The following TFR2 variants were observed in gnomAD, a reference collection of about 807,000 sequenced individuals.
The protein encoded by TFR2 is transferrin receptor 2, also known as transferrin receptor protein 2.
In TFR2, 64 loss-of-function variants were observed where a neutral mutation model predicts 91.9. The ratio of observed to expected loss-of-function variants is 0.70; its 90% confidence interval spans 0.57 to 0.86. The LOEUF is 0.86. TFR2 is among the 40% of genes least tolerant of loss of function. The probability of loss-of-function intolerance (pLI) is 0.00; values close to 1 mark genes in which losing one functional copy is unlikely to be tolerated. For synonymous variants in TFR2, 454 were observed against 459.6 expected (o/e 0.99, Z 0.15); for missense variants, 950 against 1,080.5 (o/e 0.88, Z 1.69).
intron 3 of TFR2, among the ~76,000 whole-genome samples, chr7:100,634,175 T>TC: frequency 2.7e-5 from 2 of 74,282 alleles, no homozygotes; most frequent in East Asian, 9.5e-4. Context: ...CCTCCCGACG[T>TC]CAACACACAC....
chr7:100,633,694 G>T, intron 3 of TFR2, 138 bp from the exon 4 acceptor site: 2 of 925,892 alleles, frequency 2.2e-6, no homozygotes, highest in South Asian at 2.3e-5. Flanking sequence ...GCTCCCCGCG[G>T]ACGCTTTTTT....
intron 8 of TFR2, chr7:100,631,558 A>G: frequency 2.4e-6 from 1 of 413,986 alleles, no homozygotes. Context: ...CGGGAGGTGG[A>G]GGTTGCAGTG....
At chr7:100,632,959 G>A in intron 6 of TFR2, 42 bp downstream of exon 6, 1 of 1,613,384 alleles carries the variant, frequency 6.2e-7, no homozygotes, top group Non-Finnish European at 8.5e-7. Flanking sequence ...CCGACCCTCC[G>A]GTTCCCGGGC....
At position 100,628,209 on chromosome 7, in the gene TFR2, G is replaced by A. The variant is rs201082151; in HGVS notation, c.1473+15C>T. On this transcript the variant is annotated intron_variant, in intron 11 of 17. Transcript: ENST00000223051. ...CTCCCCAATGCCTAACGACCTGCCC[G>A]GGACCCCGTATCACCTCTAGCCACT... 3.2e-5 allele frequency: 47 copies of A among 1,455,410 alleles called. No individual in the cohort carries two copies. Among genetic ancestry groups the A allele is most frequent in the Middle Eastern group, 1.8e-4 (1 of 5,582 alleles). The allele number at this position is 1,455,410 out of a possible 1,614,324, so 90.2% of individuals were successfully genotyped here. A position where few individuals can be genotyped will look rare whatever the true frequency, so the allele number is the denominator to read the frequency against.
intron 3 of TFR2, among the ~76,000 whole-genome samples, chr7:100,636,387 G>A (rs1326777396): frequency 1.4e-5 from 2 of 142,334 alleles, no homozygotes; most frequent in South Asian, 2.3e-4. Flanking sequence ...TGTTGGCCAG[G>A]CTGGTCTCAA....
intron 17 of TFR2, among the ~76,000 whole-genome samples, chr7:100,622,169 G>T (rs1803129304): frequency 6.6e-6 from 1 of 152,128 alleles, no homozygotes; most frequent in Non-Finnish European, 1.5e-5. Flanking sequence ...GGGAGTGCAG[G>T]CACGTGCCAC....
chr7:100,626,261 CTCT>C (rs1463147201), intron 17 of TFR2, among the ~76,000 whole-genome samples: 1 of 152,122 alleles, frequency 6.6e-6, no homozygotes, highest in Non-Finnish European at 1.5e-5. Context: ...AGGGAATAAG[CTCT>C]TGTTTAACTT....
intron 17 of TFR2, 32 bp from the exon 18 acceptor site, chr7:100,621,158 G>A: frequency 6.8e-7 from 1 of 1,463,534 alleles, no homozygotes; most frequent in Non-Finnish European, 9.1e-7. Flanking sequence ...GTCAGGGTTG[G>A]GGGCTCTGGC....
rs141873632 is a variant in TFR2 at position 100,640,871 on chromosome 7, G to A, written c.288C>T (p.Ala96=). The change falls in exon 3 of 18, where the codon GCC becomes GCT. Residue 96 remains alanine (A), a splice_region_variant and synonymous_variant. Transcript: ENST00000223051. ...VLTALLIFTG[A]FLLGYVAFRG... is the part of the protein sequence containing the mutation. The stretch of plus-strand genomic sequence containing the variant: ...GGAAGGCGACGTAGCCCAGTAGGAA[G>A]GCTGGCGGGTGGCAAGATGGGGATT... 1.2e-6 allele frequency: 2 copies of A among 1,613,970 alleles called. No individual in the cohort carries two copies. Among genetic ancestry groups the A allele is most frequent in the African/African-American group, 2.7e-5 (2 of 74,930 alleles).
At chr7:100,626,073 AC>A (rs1803242491) in intron 17 of TFR2, among the ~76,000 whole-genome samples, 1 of 152,166 alleles carries the variant, frequency 6.6e-6, no homozygotes, top group South Asian at 2.1e-4. Context: ...GATCCTGTTT[AC>A]TATTTTGCCC....
intron 17 of TFR2, among the ~76,000 whole-genome samples, chr7:100,623,594 G>T (rs1322044210): frequency 6.6e-6 from 1 of 151,772 alleles, no homozygotes; most frequent in African/African-American, 2.4e-5. Flanking sequence ...CTTGGGCAAT[G>T]TATGGAAACC....
rs192618793 is a variant in TFR2, at chr7:100,631,483, C to T, written c.1106+323G>A. Reference sequence around the variant, plus strand: ...ACTAAAAATACAAAAATTAGCCGGGCGTGGTGGGGGGGCACCTGTAATCCT... The same window carrying T: ...ACTAAAAATACAAAAATTAGCCGGGTGTGGTGGGGGGGCACCTGTAATCCT... On this transcript the variant is annotated intron_variant, in intron 8 of 17. Transcript: ENST00000223051. 257 of 310,454 alleles carry T rather than the reference C, an allele frequency of 8.3e-4. No homozygotes were observed. The East Asian group carries it at 0.018, about 22-fold the overall frequency. 19.2% of individuals were successfully genotyped at this position (310,454 alleles called of 1,614,324 possible).
rs1189196326 is a variant in TFR2 at position 100,633,534 on chromosome 7, C to T, written c.496G>A (p.Val166Met). ...TIRQTSLRERVAGSAGMAALT... is the reference protein window; with the variant it reads ...TIRQTSLRERMAGSAGMAALT... ...GCGGCCATCCCGGCCGAGCCTGCCA[C>T]CCGTTCCCGAAGGCTGGTTTGCCTA... Residue 166 changes from valine (V) to methionine (M), a missense_variant, in exon 4 of 18, where the codon GTG becomes ATG. Val to Met is a conservative substitution (Grantham distance 21, BLOSUM62 1). Coordinates refer to ENST00000223051, the MANE Select transcript of TFR2 (RefSeq NM_003227.4). The T allele has an allele frequency of 1.9e-6, 3 of 1,606,514 alleles. No homozygotes were observed. The highest frequency in any genetic ancestry group is 1.1e-5 in the South Asian group (1 of 91,022).
rs563694182 is a variant in TFR2, at chr7:100,627,729, AC to A, written c.1682+14del. On this transcript the variant is annotated intron_variant, in intron 14 of 17. Transcript: ENST00000223051. ...CCCACATCCCTCCCCAGCTCTCCCT[AC>A]CCCCCCAACTTACACCTCAGCATCC... 276 of 1,609,010 alleles carry A rather than the reference AC, an allele frequency of 1.7e-4. No individual in the cohort carries two copies. In the African/African-American group the frequency reaches 2.6e-3, roughly 15 times the overall value.
chr7:100,636,590 A>T (rs1015555329), intron 3 of TFR2, among the ~76,000 whole-genome samples: 21 of 152,082 alleles, frequency 1.4e-4, no homozygotes, highest in African/African-American at 5.1e-4. Flanking sequence ...AGACTCTGAG[A>T]TAGACAGGAT....
intron 16 of TFR2, among the ~76,000 whole-genome samples, 158 bp downstream of exon 16, chr7:100,627,106 A>G (rs1803284535): frequency 6.6e-6 from 1 of 151,934 alleles, no homozygotes; most frequent in Admixed American, 6.6e-5. Flanking sequence ...GGGCGATGGC[A>G]CATGCTGGGG....
At chr7:100,622,122 G>A (rs1417462373) in intron 17 of TFR2, among the ~76,000 whole-genome samples, 2 of 152,130 alleles carry the variant, frequency 1.3e-5, no homozygotes, top group Non-Finnish European at 2.9e-5. Context: ...AACCCCAGAG[G>A]TCAAGTGATC....
intron 6 of TFR2, among the ~76,000 whole-genome samples, chr7:100,632,556 T>C (rs1803473700): frequency 6.7e-6 from 1 of 148,758 alleles, no homozygotes; most frequent in African/African-American, 2.5e-5. Context: ...TCTCTCTTTT[T>C]TTTTTTTTTC....
At position 100,632,118 on chromosome 7, in the gene TFR2, C is replaced by G; in HGVS notation, c.930G>C (p.Lys310Asn). The G allele has an allele frequency of 6.2e-7, 1 of 1,614,150 alleles. No homozygotes were observed. Residue 310 changes from lysine to asparagine, a missense_variant, in exon 7 of 18, where the codon AAG becomes AAC. Lys to Asn is a moderately conservative substitution (Grantham distance 94, BLOSUM62 0). Coordinates refer to ENST00000223051, the MANE Select transcript of TFR2 (RefSeq NM_003227.4). ...EPADFSQDPP[K>N]PSLSSQQAVY... is the part of the protein sequence containing the mutation. Reference sequence around the variant, plus strand: ...CTGCCTGCTGGCTGGACAGGCTTGGCTTGGGTGGGTCCTGGGAGAAGTCCG... The same window carrying G: ...CTGCCTGCTGGCTGGACAGGCTTGGGTTGGGTGGGTCCTGGGAGAAGTCCG...
Sources: allele counts gnomAD v4.1 joint callset (sites outside exome capture counted in the v4.1 genomes callset), GRCh38; gene constraint gnomAD v4.1.1; transcripts MANE v1.5; gene names NCBI Gene and HGNC (gene_info 2026-07-23, HGNC 2026-07-21).